Variants in SHC3 observed in about 807,000 individuals in gnomAD.
SHC3 encodes SHC adaptor protein 3.
In SHC3, 15 loss-of-function variants were observed where a neutral mutation model predicts 60.4. The observed-to-expected ratio is 0.25, with a 90% CI of 0.17 to 0.38. SHC3 has a LOEUF of 0.38. Among genes scored for constraint, SHC3 ranks in the 10% least tolerant of loss-of-function variants. The pLI is 1.00. For synonymous variants in SHC3, 294 were observed against 325.9 expected, an observed-to-expected ratio of 0.90 and a Z score of 1.05; for missense variants, 677 against 786.1, an observed-to-expected ratio of 0.86 and a Z score of 1.66.
intron 11 of SHC3, among the ~76,000 whole-genome samples, chr9:89,027,426 T>TATC (rs1294765568): frequency 6.6e-6 from 1 of 151,046 alleles, no homozygotes; most frequent in Non-Finnish European, 1.5e-5. Flanking sequence ...TTCACGCCAT[T>TATC]CTGCCTCAGC....
intron 9 of SHC3, among the ~76,000 whole-genome samples, chr9:89,042,651 T>A (rs894573825): frequency 6.6e-6 from 1 of 152,268 alleles, no homozygotes. Context: ...AGAAGCTCTG[T>A]ACCTCCTAAG....
chr9:89,101,878 T>C (rs1037376452), intron 2 of SHC3, among the ~76,000 whole-genome samples: 1 of 152,278 alleles, frequency 6.6e-6, no homozygotes, highest in Non-Finnish European at 1.5e-5. Flanking sequence ...TCCTATATTC[T>C]GGAAAAGATT....
intron 1 of SHC3, among the ~76,000 whole-genome samples, chr9:89,135,801 T>G: frequency 6.6e-6 from 1 of 152,344 alleles, no homozygotes; most frequent in South Asian, 2.1e-4. Context: ...ATCAATATTC[T>G]AATTCTCAGC....
At chr9:89,104,760 C>A (rs896561277) in intron 2 of SHC3, among the ~76,000 whole-genome samples, 1 of 152,202 alleles carries the variant, frequency 6.6e-6, no homozygotes, top group Non-Finnish European at 1.5e-5. Context: ...TATCCTCTCA[C>A]CCTCCAATCC....
chr9:89,068,624 G>A (rs1055685519), intron 5 of SHC3, among the ~76,000 whole-genome samples: 1 of 151,530 alleles, frequency 6.6e-6, no homozygotes. Context: ...AATATAAAAG[G>A]TTGTGGATTA....
At position 89,048,664 on chromosome 9, in the gene SHC3, A is replaced by T. The variant is rs1824812305; in HGVS notation, c.963-1670T>A. Among the ~76,000 whole-genome samples, 4 of 152,276 alleles carry T rather than the reference A, an allele frequency of 2.6e-5. No individual in the cohort carries two copies. In the South Asian group the frequency reaches 8.3e-4, roughly 31 times the overall value. On this transcript the variant is annotated intron_variant, in intron 7 of 11. Transcript: ENST00000375835. The stretch of plus-strand genomic sequence containing the variant: ...AGAGCAATTTGATTATATATGAATT[A>T]TCAATTTTAAAAATAATAATAAATG...
intron 1 of SHC3, among the ~76,000 whole-genome samples, chr9:89,152,307 C>T (rs1318839231): frequency 1.3e-5 from 2 of 152,174 alleles, no homozygotes; most frequent in Non-Finnish European, 2.9e-5. Flanking sequence ...GGCCAGTTGG[C>T]CTGGGCATAG....
chr9:89,105,448 A>G (rs1825845299), intron 2 of SHC3, among the ~76,000 whole-genome samples: 1 of 152,206 alleles, frequency 6.6e-6, no homozygotes, highest in Non-Finnish European at 1.5e-5. Flanking sequence ...ATCTGAAATT[A>G]CCGTGCTGAA....
At chr9:89,103,831 A>G (rs1405464527) in intron 2 of SHC3, among the ~76,000 whole-genome samples, 2 of 152,212 alleles carry the variant, frequency 1.3e-5, no homozygotes, top group Non-Finnish European at 2.9e-5. Flanking sequence ...ACATTGCTGG[A>G]AAACTGTGGA....
At chr9:89,128,330 G>T (rs1826193162) in intron 1 of SHC3, among the ~76,000 whole-genome samples, 1 of 152,108 alleles carries the variant, frequency 6.6e-6, no homozygotes, top group Admixed American at 6.6e-5. Context: ...TTTAAAAATT[G>T]TTCAGAACAA....
intron 1 of SHC3, among the ~76,000 whole-genome samples, chr9:89,166,356 G>T (rs1293655762): frequency 6.6e-6 from 1 of 152,126 alleles, no homozygotes; most frequent in Non-Finnish European, 1.5e-5. Flanking sequence ...ACAGAATAGG[G>T]GTTCAATAGA....
intron 1 of SHC3, among the ~76,000 whole-genome samples, chr9:89,159,712 C>T (rs377302901): frequency 3.3e-4 from 50 of 152,174 alleles, no homozygotes; most frequent in African/African-American, 1.2e-3. Context: ...GTCGGATATT[C>T]GTGGGCAGGA....
chr9:89,040,617 C>A (rs1162159970), intron 10 of SHC3, among the ~76,000 whole-genome samples: 1 of 152,158 alleles, frequency 6.6e-6, no homozygotes, highest in Non-Finnish European at 1.5e-5. Flanking sequence ...TTTGGAGGTA[C>A]TATAACAACT....
At chr9:89,051,986 G>A (rs1380177357) in intron 7 of SHC3, 51 bp downstream of exon 7, 4 of 1,602,284 alleles carry the variant, frequency 2.5e-6, no homozygotes, top group African/African-American at 1.3e-5. Context: ...TAAGAGGAAA[G>A]GTCATAAAAC....
At position 89,178,489 on chromosome 9, in the gene SHC3, C is replaced by A. The variant is rs752920647; in HGVS notation, c.-29G>T. 2.1e-6 allele frequency: 3 copies of A among 1,420,104 alleles called. No individual in the cohort carries two copies. The East Asian group carries it at 8.3e-5, about 39-fold the overall frequency. The allele number at this position is 1,420,104 out of a possible 1,614,324, so 88.0% of individuals were successfully genotyped here. ...CCTCCGTGGGCTCGCTGCATCCGCCCGGGCGCTGCTGGTGCCGGCCCCGGC... is the reference window on the plus strand; with the variant it reads ...CCTCCGTGGGCTCGCTGCATCCGCCAGGGCGCTGCTGGTGCCGGCCCCGGC... On this transcript the variant is annotated 5_prime_UTR_variant, in exon 1 of 12. Coordinates refer to ENST00000375835, the MANE Select transcript of SHC3 (RefSeq NM_016848.6). The surrounding 1 kb of genome is among the most constrained non-coding windows in gnomAD (Gnocchi z 6.9).
At chr9:89,041,669 A>G (rs1472655062) in intron 10 of SHC3, among the ~76,000 whole-genome samples, 1 of 152,226 alleles carries the variant, frequency 6.6e-6, no homozygotes, top group Non-Finnish European at 1.5e-5. Context: ...GGGCCATGCC[A>G]TTTCATCTTT....
At chr9:89,040,863 A>C (rs947292420) in intron 10 of SHC3, among the ~76,000 whole-genome samples, 11 of 152,232 alleles carry the variant, frequency 7.2e-5, no homozygotes, top group Non-Finnish European at 1.5e-4. Context: ...GGAGAGAAAC[A>C]GTGTTGTTTT....
chr9:89,109,731 A>G (rs1825918806), intron 2 of SHC3: 1 of 985,398 alleles, frequency 1.0e-6, no homozygotes, highest in African/African-American at 1.7e-5. Flanking sequence ...ATCTTCAGGC[A>G]TCTCCAGGCT....
intron 1 of SHC3, among the ~76,000 whole-genome samples, chr9:89,130,804 A>C (rs1223419288): frequency 6.6e-6 from 1 of 152,200 alleles, no homozygotes; most frequent in East Asian, 1.9e-4. Flanking sequence ...AAGAGAAAGC[A>C]GGAAAGATCT....
Sources: allele counts gnomAD v4.1 joint callset (sites outside exome capture counted in the v4.1 genomes callset), GRCh38; gene constraint gnomAD v4.1.1; non-coding constraint Gnocchi (gnomAD v3.1); transcripts MANE v1.5; gene names NCBI Gene and HGNC (gene_info 2026-07-23, HGNC 2026-07-21).